ST3GAL3: variants seen among roughly 807,000 people sequenced by gnomAD.
ST3GAL3 encodes the protein CMP-N-acetylneuraminate-beta-1,4-galactoside alpha-2,3-sialyltransferase.
In ST3GAL3, 21 loss-of-function variants were observed where a neutral mutation model predicts 50.1. The observed-to-expected ratio is 0.42, with a 90% CI of 0.30 to 0.60. The LOEUF is 0.60. Ranked by LOEUF, ST3GAL3 falls within the 20% of genes least tolerant of loss-of-function variation. ST3GAL3 has a pLI of 0.19. For missense variants in ST3GAL3, 353 were observed against 489.4 expected, an observed-to-expected ratio of 0.72 and a Z score of 2.63; for synonymous variants, 183 against 190.0, an observed-to-expected ratio of 0.96 and a Z score of 0.30.
intron 4 of ST3GAL3, among the ~76,000 whole-genome samples, chr1:43,827,410 T>C (rs988790942): frequency 6.6e-6 from 1 of 152,170 alleles, no homozygotes; most frequent in African/African-American, 2.4e-5. Flanking sequence ...TAGATCCATA[T>C]ATGAATGAGG....
intron 3 of ST3GAL3, among the ~76,000 whole-genome samples, chr1:43,809,150 ACAAT>A (rs1191065707): frequency 2.0e-5 from 3 of 152,200 alleles, no homozygotes; most frequent in African/African-American, 7.2e-5. Context: ...GGGAAAAAAA[ACAAT>A]CAGTAGAAGC....
chr1:43,819,765 G>C (rs2061850471), intron 4 of ST3GAL3, among the ~76,000 whole-genome samples: 1 of 151,960 alleles, frequency 6.6e-6, no homozygotes, highest in African/African-American at 2.4e-5. Flanking sequence ...TAGTTTTTCA[G>C]CCCACTCCCC....
In ST3GAL3 at chr1:43,899,949, T is replaced by C. The variant is rs938122270; in HGVS notation, c.744+222T>C. On this transcript the variant is annotated intron_variant, in intron 9 of 11. Coordinates refer to ENST00000347631, the MANE Select transcript of ST3GAL3 (RefSeq NM_006279.5). The surrounding 1 kb of genome is among the most constrained non-coding windows in gnomAD (Gnocchi z 5.4). ...AGGAGCCAATATGCCTGAAACCTGC[T>C]ACCTGCTTCCAGGTGCCCAGGTGCA... Among the ~76,000 whole-genome samples, 1 of 152,202 alleles carries C rather than the reference T, an allele frequency of 6.6e-6. No homozygotes were observed. The highest frequency in any genetic ancestry group is 2.4e-5 in the African/African-American group (1 of 41,460).
chr1:43,755,867 G>C (rs1424606446), intron 2 of ST3GAL3, among the ~76,000 whole-genome samples: 1 of 152,100 alleles, frequency 6.6e-6, no homozygotes, highest in Non-Finnish European at 1.5e-5. Context: ...GGGGGGCCAA[G>C]TTGGGAGGAT....
chr1:43,759,171 C>T (rs1268383778), intron 2 of ST3GAL3, among the ~76,000 whole-genome samples: 1 of 151,514 alleles, frequency 6.6e-6, no homozygotes, highest in Non-Finnish European at 1.5e-5. Context: ...CTAGGCTGGG[C>T]GTGGTGGCTC....
chr1:43,918,297 C>T (rs2082425800), intron 9 of ST3GAL3, among the ~76,000 whole-genome samples: 1 of 151,680 alleles, frequency 6.6e-6, no homozygotes, highest in African/African-American at 2.4e-5. Context: ...TTTGTATTTT[C>T]TATAGAGACA....
At chr1:43,851,429 G>A in intron 5 of ST3GAL3, 1 of 1,611,552 alleles carries the variant, frequency 6.2e-7, no homozygotes. Context: ...CCAGCTTATA[G>A]GCCTGCAGGG....
rs199524935 is a variant in ST3GAL3, at chr1:43,726,312, G to A, written c.-30-9921G>A. ...TTATTTATTTATTTATAAGAGATAG[G>A]GTCTTGCTCTGTCACTCAGGCTGGA... On this transcript the variant is annotated intron_variant, in intron 1 of 11. Transcript: ENST00000347631. Among the ~76,000 whole-genome samples the A allele has an allele frequency of 2.6e-5, 4 of 151,884 alleles. No individual in the cohort carries two copies. In the East Asian group the frequency reaches 7.8e-4, roughly 29 times the overall value.
chr1:43,725,678 A>C (rs914133984), intron 1 of ST3GAL3, among the ~76,000 whole-genome samples: 1 of 151,818 alleles, frequency 6.6e-6, no homozygotes, highest in Non-Finnish European at 1.5e-5. Context: ...ACAGTGTCCC[A>C]CTCTGTCACC....
intron 5 of ST3GAL3, among the ~76,000 whole-genome samples, chr1:43,854,337 G>A (rs998527540): frequency 2.0e-5 from 3 of 152,032 alleles, no homozygotes; most frequent in South Asian, 2.1e-4. Flanking sequence ...TGACAAATCC[G>A]ACAGATAGAT....
At chr1:43,822,884 C>T (rs1169006817) in intron 4 of ST3GAL3, among the ~76,000 whole-genome samples, 2 of 152,170 alleles carry the variant, frequency 1.3e-5, no homozygotes, top group African/African-American at 4.8e-5. Flanking sequence ...CTTAACATGT[C>T]CAGAACCAAA....
chr1:43,715,682 A>G (rs564916835), intron 1 of ST3GAL3, among the ~76,000 whole-genome samples: 12 of 151,956 alleles, frequency 7.9e-5, no homozygotes, highest in African/African-American at 2.9e-4. Context: ...CCCAGCTACT[A>G]GGGAGGCTGA....
intron 4 of ST3GAL3, among the ~76,000 whole-genome samples, chr1:43,826,876 A>G (rs1213985921): frequency 1.3e-5 from 2 of 152,216 alleles, no homozygotes; most frequent in Non-Finnish European, 1.5e-5. Context: ...TAAAAAAACC[A>G]TTTGATACAA....
At chr1:43,810,144 G>T (rs562731548) in intron 3 of ST3GAL3, among the ~76,000 whole-genome samples, 1 of 152,010 alleles carries the variant, frequency 6.6e-6, no homozygotes, top group East Asian at 1.9e-4. Flanking sequence ...GAAAGAGGAG[G>T]GCAGAAAAAT....
chr1:43,770,727 A>G (rs1361092991), intron 2 of ST3GAL3, among the ~76,000 whole-genome samples: 5 of 152,274 alleles, frequency 3.3e-5, no homozygotes, highest in Non-Finnish European at 1.5e-5. Flanking sequence ...TCTAGAAACA[A>G]AGCATCTAAT....
chr1:43,720,126 A>G (rs1187937496), intron 1 of ST3GAL3, among the ~76,000 whole-genome samples: 1 of 151,712 alleles, frequency 6.6e-6, no homozygotes, highest in Admixed American at 6.6e-5. Context: ...CTGCTGAGGA[A>G]GCTGAAGCAG....
At chr1:43,881,525 T>G (rs2075128047) in intron 5 of ST3GAL3, among the ~76,000 whole-genome samples, 1 of 152,162 alleles carries the variant, frequency 6.6e-6, no homozygotes, top group South Asian at 2.1e-4. Context: ...GCACACAGTT[T>G]CCTCCCCTAC....
At chr1:43,910,851 C>T (rs1249566347) in intron 9 of ST3GAL3, among the ~76,000 whole-genome samples, 1 of 152,174 alleles carries the variant, frequency 6.6e-6, no homozygotes, top group Non-Finnish European at 1.5e-5. Flanking sequence ...CTGCCCTGGG[C>T]CCCACTGTGG....
chr1:43,837,941 T>G (rs2064664212), intron 4 of ST3GAL3, among the ~76,000 whole-genome samples: 1 of 152,050 alleles, frequency 6.6e-6, no homozygotes. Context: ...TGTGGAAAAG[T>G]GCCTGAAGTG....
Sources: gnomAD v4.1 joint callset for allele counts (sites outside exome capture counted in the v4.1 genomes callset) on GRCh38, gnomAD v4.1.1 for gene constraint, Gnocchi (gnomAD v3.1) non-coding constraint, MANE v1.5 for transcripts, NCBI Gene and HGNC (gene_info 2026-07-23, HGNC 2026-07-21) for gene names.